Variants in LSG1 observed in about 807,000 individuals in gnomAD.
LSG1 encodes the protein large subunit GTPase 1 homolog.
LSG1 carries 55 observed loss-of-function variants against 82.6 expected under a neutral mutation model. The ratio of observed to expected loss-of-function variants is 0.67; its 90% CI spans 0.54 to 0.83. The LOEUF (loss-of-function observed/expected upper bound fraction) is 0.83. Among genes scored for constraint, LSG1 ranks in the 40% least tolerant of loss-of-function variants. LSG1 has a pLI of 0.00. For missense variants in LSG1, 809 were observed against 807.9 expected, an observed-to-expected ratio of 1.00 and a Z score of -0.02; for synonymous variants, 272 against 282.5, an observed-to-expected ratio of 0.96 and a Z score of 0.37.
In LSG1 at chr3:194,651,012, C is replaced by A. The variant is rs562646007; in HGVS notation, c.1288G>T (p.Glu430Ter). 1.7e-5 allele frequency: 28 copies of A among 1,613,824 alleles called. No homozygotes were observed. The highest frequency in any genetic ancestry group is 2.2e-5 in the Non-Finnish European group (26 of 1,179,944). The change falls in exon 10 of 14, where the codon GAG becomes TAG. Residue 430 changes from glutamate (E) to a stop codon, truncating the protein, a stop_gained. Transcript: ENST00000265245. LOFTEE classifies it high-confidence loss of function. ...HTKHFQTLYV[E>*]PGLCLCDCPG... ...CAGTCACACAGGCAGAGGCCAGGCTCCACATAGAGAGTCTGGAAGACAAGC... is the reference window on the plus strand; with the variant it reads ...CAGTCACACAGGCAGAGGCCAGGCTACACATAGAGAGTCTGGAAGACAAGC...
chr3:194,671,154 T>C (rs1719132800), intron 1 of LSG1, among the ~76,000 whole-genome samples: 1 of 152,150 alleles, frequency 6.6e-6, no homozygotes, highest in Non-Finnish European at 1.5e-5. Flanking sequence ...GGGCCAAAAG[T>C]TTAAGTGGGC....
intron 2 of LSG1, among the ~76,000 whole-genome samples, chr3:194,668,727 T>C (rs1719081950): frequency 1.3e-5 from 2 of 152,200 alleles, no homozygotes; most frequent in Non-Finnish European, 1.5e-5. Context: ...AAATCTCATG[T>C]ACCCATGAGA....
chr3:194,660,213 CA>C, intron 5 of LSG1, 80 bp from the exon 6 acceptor site: 3 of 1,051,200 alleles, frequency 2.9e-6, no homozygotes, highest in Non-Finnish European at 4.5e-6. Context: ...GCCAGAGTAG[CA>C]AACCCTGGCA....
At chr3:194,643,398 T>C (rs563566317) in intron 13 of LSG1, among the ~76,000 whole-genome samples, 18 of 152,276 alleles carry the variant, frequency 1.2e-4, no homozygotes, top group African/African-American at 4.1e-4. Context: ...AACTTAATAA[T>C]AGACATTTCT....
At chr3:194,670,268 T>C (rs1046172554) in intron 1 of LSG1, 133 bp from the exon 2 acceptor site, 15 of 748,670 alleles carry the variant, frequency 2.0e-5, no homozygotes, top group South Asian at 4.0e-5. Flanking sequence ...ATACTACTTA[T>C]AGTTAATGTT....
rs531878348 is a variant in LSG1 at position 194,648,074 on chromosome 3, T to A, written c.1543+607A>T. Among the ~76,000 whole-genome samples the A allele has an allele frequency of 1.6e-4, 23 of 146,588 alleles. No individual in the cohort carries two copies. The South Asian group carries it at 3.7e-3, about 23-fold the overall frequency. On this transcript the variant is annotated intron_variant, in intron 11 of 13. Transcript: ENST00000265245. ...CGCACGGAAATGTTTCCCACACTGC[T>A]ATTTTTTTTTTTTTTTTTTTTTTTA...
intron 10 of LSG1, among the ~76,000 whole-genome samples, chr3:194,649,336 C>T (rs2108616359): frequency 6.6e-6 from 1 of 152,248 alleles, no homozygotes; most frequent in Admixed American, 6.5e-5. Flanking sequence ...CTCCACAGCA[C>T]CTAACCTAAG....
intron 13 of LSG1, 73 bp from the exon 14 acceptor site, chr3:194,642,320 G>C: frequency 7.7e-7 from 1 of 1,298,740 alleles, no homozygotes; most frequent in South Asian, 1.5e-5. Context: ...AGTACTATTA[G>C]TGGATCACTT....
chr3:194,656,281 C>A (rs1718787501), intron 7 of LSG1, among the ~76,000 whole-genome samples: 1 of 140,158 alleles, frequency 7.1e-6, no homozygotes, highest in Admixed American at 7.4e-5. Flanking sequence ...CCAGAATCTA[C>A]AAAGAACTCC....
At chr3:194,669,683 C>G (rs1049118801) in intron 2 of LSG1, among the ~76,000 whole-genome samples, 1 of 152,198 alleles carries the variant, frequency 6.6e-6, no homozygotes, top group Non-Finnish European at 1.5e-5. Flanking sequence ...CCTGTAATCC[C>G]AGCACTTTGG....
chr3:194,656,209 C>G (rs1718786374), intron 7 of LSG1, among the ~76,000 whole-genome samples: 1 of 151,462 alleles, frequency 6.6e-6, no homozygotes, highest in South Asian at 2.1e-4. Context: ...TCAGAGTGAA[C>G]AGGCAACCTA....
intron 12 of LSG1, 115 bp downstream of exon 12, chr3:194,646,049 C>A: frequency 1.0e-6 from 1 of 1,003,346 alleles, no homozygotes; most frequent in Non-Finnish European, 1.5e-6. Flanking sequence ...GAACACAACT[C>A]CAGTTTCAAT....
In LSG1 at chr3:194,652,926, C is replaced by T. The variant is rs751937335; in HGVS notation, c.976G>A (p.Gly326Ser). 1.1e-5 allele frequency: 17 copies of T among 1,613,998 alleles called. No homozygotes were observed. Among genetic ancestry groups the T allele is most frequent in the Middle Eastern group, 1.6e-4 (1 of 6,084 alleles). The change falls in exon 8 of 14, where the codon GGT (glycine) becomes AGT (serine). Residue 326 changes from glycine to serine, a missense_variant. Transcript: ENST00000265245. ...TGGCTGCAGTCCTCTTCCTTGGGAC[C>T]GTCTTCTTCTGAGCACGTCTGCCAG... ...DDWQTCSEEDGPKEEDCSQDW... is the reference protein window; with the variant it reads ...DDWQTCSEEDSPKEEDCSQDW...
intron 5 of LSG1, among the ~76,000 whole-genome samples, chr3:194,662,128 A>G (rs1291434377): frequency 2.0e-5 from 3 of 152,230 alleles, no homozygotes; most frequent in South Asian, 4.1e-4. Flanking sequence ...CATCAGCTCT[A>G]TCTCTCCAGG....
rs562793129 is a variant in LSG1, at chr3:194,648,362, C to T, written c.1543+319G>A. On this transcript the variant is annotated intron_variant, in intron 11 of 13. Coordinates refer to ENST00000265245, the MANE Select transcript of LSG1 (RefSeq NM_018385.3). ...AACTCTCCTGCCTCGCTGTGGCGTGCGGATTCATTTTCTTCCACACATCCG... is the reference window on the plus strand; with the variant it reads ...AACTCTCCTGCCTCGCTGTGGCGTGTGGATTCATTTTCTTCCACACATCCG... Among the ~76,000 whole-genome samples, 65 of 152,166 alleles carry T rather than the reference C, an allele frequency of 4.3e-4. 1 individual carries two copies. Among genetic ancestry groups the T allele is most frequent in the South Asian group, 8.3e-4 (4 of 4,820 alleles).
intron 12 of LSG1, chr3:194,645,494 C>CCA (rs1560219408): frequency 1.4e-5 from 1 of 73,512 alleles, no homozygotes; most frequent in African/African-American, 7.0e-5. Flanking sequence ...GAGCTTAGTG[C>CCA]TACACACACA....
intron 2 of LSG1, among the ~76,000 whole-genome samples, chr3:194,667,726 A>G (rs1719057757): frequency 6.6e-6 from 1 of 151,322 alleles, no homozygotes; most frequent in Non-Finnish European, 1.5e-5. Context: ...GTTCGAGACC[A>G]GCCTGGCCTA....
chr3:194,669,891 A>C (rs1719108673), intron 2 of LSG1, 118 bp downstream of exon 2: 2 of 1,197,056 alleles, frequency 1.7e-6, no homozygotes, highest in Non-Finnish European at 2.3e-6. Flanking sequence ...ATATCACGCC[A>C]CTGCACTTCA....
Position 194,652,722 on chromosome 3 carries a change from A to C in LSG1, c.1173+7T>G. 6.2e-7 allele frequency: 1 copy of C among 1,609,910 alleles called. No homozygotes were observed. The highest frequency in any genetic ancestry group is 8.5e-7 in the Non-Finnish European group (1 of 1,177,292). On this transcript the variant is annotated splice_region_variant and intron_variant, in intron 8 of 13. Transcript: ENST00000265245. The stretch of plus-strand genomic sequence containing the variant: ...TGGTAACAATGTTATGACATATGTC[A>C]TCTTACCAGTCCGACCGTAAGTTGC...
Sources: gnomAD v4.1 joint callset for allele counts (sites outside exome capture counted in the v4.1 genomes callset) on GRCh38, gnomAD v4.1.1 for gene constraint, MANE v1.5 for transcripts, NCBI Gene and HGNC (gene_info 2026-07-23, HGNC 2026-07-21) for gene names.